The following PKP1 variants were observed in gnomAD, a reference collection of about 807,000 sequenced individuals.
The protein encoded by PKP1 is plakophilin-1.
PKP1 carries 27 observed loss-of-function variants against 76.4 expected under a neutral mutation model. The observed-to-expected ratio is 0.35, with a 90% CI of 0.26 to 0.49. The LOEUF is 0.49. PKP1 is among the 20% of genes least tolerant of loss of function. PKP1 has a pLI of 0.99. For missense variants in PKP1, 964 were observed against 955.2 expected, an observed-to-expected ratio of 1.01 and a Z score of -0.12; for synonymous variants, 404 against 384.2, an observed-to-expected ratio of 1.05 and a Z score of -0.60.
chr1:201,305,733 G>A (rs1049656011), intron 2 of PKP1, among the ~76,000 whole-genome samples: 7 of 152,108 alleles, frequency 4.6e-5, no homozygotes, highest in African/African-American at 1.7e-4. Context: ...CCCAGTATAG[G>A]GTGGGGGGCA....
intron 2 of PKP1, among the ~76,000 whole-genome samples, chr1:201,309,857 A>T (rs1656485114): frequency 6.6e-6 from 1 of 152,236 alleles, no homozygotes; most frequent in Admixed American, 6.5e-5. Flanking sequence ...GACAGCCTAT[A>T]CAAAGAATTG....
intron 2 of PKP1, among the ~76,000 whole-genome samples, chr1:201,305,184 C>T (rs563129501): frequency 1.3e-5 from 2 of 152,308 alleles, no homozygotes; most frequent in Admixed American, 1.3e-4. Flanking sequence ...TACCCAAGCA[C>T]TGAAGGTCCC....
At chr1:201,287,672 C>T (rs1025068474) in intron 1 of PKP1, among the ~76,000 whole-genome samples, 2 of 152,192 alleles carry the variant, frequency 1.3e-5, no homozygotes, top group East Asian at 1.9e-4. Context: ...TGCAAAAATG[C>T]TGGGTATTCT....
intron 9 of PKP1, among the ~76,000 whole-genome samples, chr1:201,324,137 G>A (rs567458766): frequency 1.8e-4 from 28 of 152,282 alleles, no homozygotes; most frequent in Non-Finnish European, 3.5e-4. Context: ...AGCATTGGAC[G>A]CTTGGGTTAC....
In PKP1 at chr1:201,313,367, G is replaced by A. The variant is rs983984315; in HGVS notation, c.508G>A (p.Gly170Ser). Residue 170 changes from glycine to serine, a missense_variant, in exon 3 of 14, where the codon GGC (glycine) becomes AGC (serine). Physicochemically the swap from Gly to Ser is moderately conservative, Grantham distance 56 (BLOSUM62 0). Coordinates refer to ENST00000367324, the MANE Select transcript of PKP1 (RefSeq NM_001005337.3). ...TGACCCACGGGGCACCCTGCGCAAG[G>A]GCACGCTGGGCAGCAAGGGCCAGAA... is the stretch of plus-strand genomic sequence containing the variant. ...YCDPRGTLRK[G>S]TLGSKGQKTT... is the part of the protein sequence containing the mutation. 1.1e-5 allele frequency: 18 copies of A among 1,581,046 alleles called. No homozygotes were observed. Among genetic ancestry groups the A allele is most frequent in the Non-Finnish European group, 1.5e-5 (18 of 1,163,220 alleles).
chr1:201,317,473 G>C, intron 4 of PKP1, 99 bp from the exon 5 acceptor site: 1 of 940,026 alleles, frequency 1.1e-6, no homozygotes, highest in Non-Finnish European at 1.6e-6. Flanking sequence ...TGAACTGATA[G>C]ATTTTTTGGT....
Position 201,322,964 on chromosome 1 carries a change from C to T in PKP1, c.1504-49C>T, listed in dbSNP as rs74525695. 0.1 allele frequency: 162,011 copies of T among 1,580,552 alleles called. 10,589 individuals carry two copies. Among genetic ancestry groups the T allele is most frequent in the African/African-American group, 0.29 (21,460 of 74,326 alleles). ...GGGGACAGAATGCCTGGGTTGTGTC[C>T]TCTCACAAGGCTCCCCATTGACCCC... On this transcript the variant is annotated intron_variant, in intron 8 of 13. Coordinates refer to ENST00000367324, the MANE Select transcript of PKP1 (RefSeq NM_001005337.3).
chr1:201,291,840 C>G (rs949822021), intron 1 of PKP1, among the ~76,000 whole-genome samples: 1 of 152,242 alleles, frequency 6.6e-6, no homozygotes, highest in African/African-American at 2.4e-5. Flanking sequence ...AGGGTCCTGA[C>G]TATGAGTGTG....
In PKP1 at chr1:201,320,308, AC is replaced by A. The variant is rs1477043382; in HGVS notation, c.1275del (p.Tyr426ThrfsTer16). On this transcript the variant is annotated frameshift_variant, in exon 7 of 14. Coordinates refer to ENST00000367324, the MANE Select transcript of PKP1 (RefSeq NM_001005337.3). LOFTEE classifies it high-confidence loss of function. ...GATGCAGGCCGCCAGACCATGCGTA[AC>A]TACTCAGGGCTCATTGATTCCCTCA... ...SADAGRQTMRNYSGLIDSLMA... is the reference protein window; with the variant it reads ...SADAGRQTMRXYSGLIDSLMA... The A allele has an allele frequency of 6.2e-7, 1 of 1,614,122 alleles. No homozygotes were observed. Among genetic ancestry groups the A allele is most frequent in the African/African-American group, 1.3e-5 (1 of 75,024 alleles).
chr1:201,305,910 A>G (rs545517697), intron 2 of PKP1, among the ~76,000 whole-genome samples: 2 of 152,324 alleles, frequency 1.3e-5, no homozygotes, highest in Admixed American at 6.5e-5. Flanking sequence ...TTTGAAAGCC[A>G]GGAGCTATGA....
At chr1:201,323,241 G>C in intron 9 of PKP1, 52 bp downstream of exon 9, 2 of 1,549,618 alleles carry the variant, frequency 1.3e-6, no homozygotes, top group Non-Finnish European at 8.9e-7. Context: ...TCCAGCCACC[G>C]TCCAGCCTCT....
At chr1:201,314,428 C>T (rs906195844) in intron 3 of PKP1, among the ~76,000 whole-genome samples, 1 of 152,202 alleles carries the variant, frequency 6.6e-6, no homozygotes, top group Non-Finnish European at 1.5e-5. Flanking sequence ...TGTCACTGCA[C>T]TCCAGCCTGG....
intron 4 of PKP1, 152 bp from the exon 5 acceptor site, chr1:201,317,420 T>A (rs1156654754): frequency 1.1e-5 from 8 of 722,072 alleles, no homozygotes; most frequent in Non-Finnish European, 2.0e-5. Context: ...TCAGTTATCA[T>A]GACCTCACAC....
chr1:201,314,674 G>A (rs1000266168), intron 3 of PKP1, among the ~76,000 whole-genome samples: 2 of 152,208 alleles, frequency 1.3e-5, no homozygotes, highest in Admixed American at 1.3e-4. Context: ...CTTCAGGGCT[G>A]GGGGCTCCCT....
chr1:201,314,391 G>A (rs182608438), intron 3 of PKP1, among the ~76,000 whole-genome samples: 2 of 152,204 alleles, frequency 1.3e-5, no homozygotes, highest in African/African-American at 2.4e-5. Context: ...AAGCCCGGGA[G>A]GGGGAGGTTG....
At position 201,324,531 on chromosome 1, in the gene PKP1, C is replaced by T; in HGVS notation, c.1784C>T (p.Ala595Val). Reference sequence around the variant, plus strand: ...AACTCTGATGTGGTGCGGTCCGGAGCCTCCCTCCTGAGCAACATGTCCCGC... The same window carrying T: ...AACTCTGATGTGGTGCGGTCCGGAGTCTCCCTCCTGAGCAACATGTCCCGC... ...SGNSDVVRSGASLLSNMSRHP... is the reference protein window; with the variant it reads ...SGNSDVVRSGVSLLSNMSRHP... The change falls in exon 10 of 14, where the codon GCC becomes GTC. Residue 595 changes from alanine to valine, a missense_variant. Ala to Val is a moderately conservative substitution (Grantham distance 64). Transcript: ENST00000367324. 6.2e-7 allele frequency: 1 copy of T among 1,614,126 alleles called. No individual in the cohort carries two copies. Among genetic ancestry groups the T allele is most frequent in the Non-Finnish European group, 8.5e-7 (1 of 1,180,006 alleles).
At chr1:201,289,688 G>GCA (rs3057891) in intron 1 of PKP1, among the ~76,000 whole-genome samples, 8,822 of 144,920 alleles carry the variant, frequency 0.061, 290 homozygotes, top group South Asian at 0.12. Flanking sequence ...TGGGAGGAGT[G>GCA]CACACACACA....
At position 201,331,757 on chromosome 1, in the gene PKP1, C is replaced by G. The variant is rs543171855; in HGVS notation, c.*1716C>G. 6.6e-6 allele frequency: 1 copy of G among 152,264 alleles called. No individual in the cohort carries two copies. The highest frequency in any genetic ancestry group is 2.1e-4 in the South Asian group (1 of 4,832). The allele number at this position is 152,264 out of a possible 1,614,324, so 9.4% of individuals were successfully genotyped here. A position where few individuals can be genotyped will look rare whatever the true frequency, so the allele number is the denominator to read the frequency against. ...CCAGACATGTGAGGACGCTGTCCTCCGAGAGGTGTCCCCGGCTGTTAGCCA... is the reference window on the plus strand; with the variant it reads ...CCAGACATGTGAGGACGCTGTCCTCGGAGAGGTGTCCCCGGCTGTTAGCCA... On this transcript the variant is annotated 3_prime_UTR_variant, in exon 14 of 14. Transcript: ENST00000367324.
In PKP1 at chr1:201,320,353, G is replaced by C. The variant is rs1217670087; in HGVS notation, c.1319G>C (p.Cys440Ser). The C allele has an allele frequency of 1.2e-6, 2 of 1,613,592 alleles. No individual in the cohort carries two copies. The highest frequency in any genetic ancestry group is 1.7e-6 in the Non-Finnish European group (2 of 1,179,606). The change falls in exon 7 of 14, where the codon TGT becomes TCT. Residue 440 changes from cysteine to serine, a missense_variant. Transcript: ENST00000367324. ...TCCCTCATGGCCTATGTCCAGAACT[G>C]TGTAGCGGCCAGCCGCTGTGACGAC... ...IDSLMAYVQNCVAASRCDDKS... is the reference protein window; with the variant it reads ...IDSLMAYVQNSVAASRCDDKS...
Sources: allele counts gnomAD v4.1 joint callset (sites outside exome capture counted in the v4.1 genomes callset), GRCh38; gene constraint gnomAD v4.1.1; transcripts MANE v1.5; gene names NCBI Gene and HGNC (gene_info 2026-07-23, HGNC 2026-07-21).